GARNL3: variants seen among roughly 807,000 people sequenced by gnomAD.
GARNL3 encodes the protein GTPase activating Rap/RanGAP domain like 3, also known as GTPase-activating Rap/Ran-GAP domain-like protein 3.
A neutral mutation model predicts 125.0 loss-of-function variants in GARNL3; 63 were observed. The observed-to-expected ratio is 0.50, with a 90% CI of 0.41 to 0.62. The LOEUF is 0.62. Ranked by LOEUF, GARNL3 falls within the 20% of genes least tolerant of loss-of-function variation. The pLI, the probability that GARNL3 is intolerant of heterozygous loss-of-function variation, is 0.00. For missense variants in GARNL3, 994 were observed against 1,244.0 expected (o/e 0.80, Z 3.02); for synonymous variants, 439 against 457.5 (o/e 0.96, Z 0.52).
intron 19 of GARNL3, among the ~76,000 whole-genome samples, chr9:127,354,775 C>A (rs1042100724): frequency 6.6e-5 from 10 of 152,160 alleles, no homozygotes; most frequent in African/African-American, 2.2e-4. Context: ...GTAGGACTTT[C>A]TTTCCTTTCC....
At chr9:127,271,886 T>C (rs1246530343) in intron 1 of GARNL3, among the ~76,000 whole-genome samples, 1 of 150,470 alleles carries the variant, frequency 6.6e-6, no homozygotes, top group Non-Finnish European at 1.5e-5. Context: ...TGTTTCTTAA[T>C]GACTCAAACC....
At position 127,310,637 on chromosome 9, in the gene GARNL3, G is replaced by C. The variant is rs143991730; in HGVS notation, c.220-999G>C. On this transcript the variant is annotated intron_variant, in intron 2 of 27. Transcript: ENST00000373387. Reference sequence around the variant, plus strand: ...AAAAATACAAAAATTAGCCGGGCAAGGGGGCATGTGCCTGTGATCCCTGCT... The same window carrying C: ...AAAAATACAAAAATTAGCCGGGCAACGGGGCATGTGCCTGTGATCCCTGCT... 1.4e-3 allele frequency among the ~76,000 whole-genome samples: 206 copies of C among 152,158 alleles called. 2 individuals carry two copies. Among genetic ancestry groups the C allele is most frequent in the African/African-American group, 4.8e-3 (201 of 41,502 alleles).
intron 22 of GARNL3, among the ~76,000 whole-genome samples, chr9:127,365,822 C>G (rs891201696): frequency 6.6e-6 from 1 of 152,130 alleles, no homozygotes; most frequent in Admixed American, 6.5e-5. Context: ...ATCGGGTGCT[C>G]TCTTGACTCC....
chr9:127,307,057 A>G (rs747211868), intron 2 of GARNL3, among the ~76,000 whole-genome samples: 2 of 151,932 alleles, frequency 1.3e-5, no homozygotes, highest in Non-Finnish European at 2.9e-5. Flanking sequence ...TTTTGTCGGC[A>G]TGGTTACCAG....
chr9:127,369,764 G>A (rs560992152), intron 22 of GARNL3, among the ~76,000 whole-genome samples: 12 of 152,308 alleles, frequency 7.9e-5, no homozygotes, highest in Middle Eastern at 3.4e-3. Context: ...AAAGAGAGGC[G>A]GGATGTAATA....
intron 2 of GARNL3, among the ~76,000 whole-genome samples, chr9:127,302,135 G>T (rs1166820420): frequency 6.6e-6 from 1 of 151,276 alleles, no homozygotes; most frequent in African/African-American, 2.4e-5. Context: ...GTAGAGACAG[G>T]GTTTCCCCGT....
chr9:127,247,191 C>T (rs557953075), intron 2 of GARNL3, among the ~76,000 whole-genome samples: 1 of 152,106 alleles, frequency 6.6e-6, no homozygotes, highest in African/African-American at 2.4e-5. Flanking sequence ...GCTTTTGAGA[C>T]AGGCAAGTGG....
At chr9:127,229,434 A>T (rs1429700636) in intron 1 of GARNL3, among the ~76,000 whole-genome samples, 1 of 152,194 alleles carries the variant, frequency 6.6e-6, no homozygotes, top group Non-Finnish European at 1.5e-5. Flanking sequence ...CTGTTACCAG[A>T]TTGGCCTCCC....
At chr9:127,225,805 C>CTCGCCCTGGCGCCCGCGGCCCCT (rs1564831675) in intron 1 of GARNL3, among the ~76,000 whole-genome samples, 1 of 1,288 alleles carries the variant, frequency 7.8e-4, no homozygotes, top group Non-Finnish European at 2.2e-3. Context: ...TCCGCGGCCC[C>CTCGCCCTGGCGCCCGCGGCCCCT]CGCGCCCCTC....
upstream of GARNL3, among the ~76,000 whole-genome samples, chr9:127,262,015 G>T (rs1272706600): frequency 6.6e-6 from 1 of 152,128 alleles, no homozygotes; most frequent in Non-Finnish European, 1.5e-5. Context: ...CTGAGTACAT[G>T]GTCCACCTTC....
chr9:127,281,284 G>A (rs994199813), intron 1 of GARNL3, among the ~76,000 whole-genome samples: 12 of 152,250 alleles, frequency 7.9e-5, no homozygotes, highest in Non-Finnish European at 1.5e-4. Flanking sequence ...GAGTTGGGAG[G>A]TATTCGATTT....
chr9:127,383,563 C>A lies in GARNL3; in HGVS notation c.2269+18C>A, dbSNP rs1443173303. ...TGCAATTGGTAAGAAAAGTCTTTATCATAATGCTTTTCTCCTTCATGGATA... is the reference window on the plus strand; with the variant it reads ...TGCAATTGGTAAGAAAAGTCTTTATAATAATGCTTTTCTCCTTCATGGATA... On this transcript the variant is annotated intron_variant, in intron 23 of 27. Transcript: ENST00000373387. 5.3e-6 allele frequency: 8 copies of A among 1,506,084 alleles called. No individual in the cohort carries two copies. Among genetic ancestry groups the A allele is most frequent in the Non-Finnish European group, 7.4e-6 (8 of 1,088,150 alleles). 93.3% of individuals were successfully genotyped at this position (1,506,084 alleles called of 1,614,324 possible). A position where few individuals can be genotyped will look rare whatever the true frequency, so the allele number is the denominator to read the frequency against.
At chr9:127,327,595 C>T (rs564421031) in intron 7 of GARNL3, among the ~76,000 whole-genome samples, 3 of 152,210 alleles carry the variant, frequency 2.0e-5, no homozygotes, top group East Asian at 1.9e-4. Flanking sequence ...GAGAGGGTCT[C>T]GCTATATTGC....
At chr9:127,365,441 A>C (rs1831235537) in intron 22 of GARNL3, 75 bp downstream of exon 22, 1 of 1,185,324 alleles carries the variant, frequency 8.4e-7, no homozygotes, top group Non-Finnish European at 1.3e-6. Context: ...ATTTAAAAAG[A>C]TTGTCCTTAG....
At chr9:127,314,810 T>G (rs896386802) in intron 4 of GARNL3, among the ~76,000 whole-genome samples, 6 of 152,194 alleles carry the variant, frequency 3.9e-5, no homozygotes, top group African/African-American at 1.4e-4. Flanking sequence ...AGACAGAGAA[T>G]GACAGAGCAT....
At chr9:127,313,817 A>G (rs1339637366) in intron 4 of GARNL3, among the ~76,000 whole-genome samples, 3 of 151,886 alleles carry the variant, frequency 2.0e-5, no homozygotes, top group Admixed American at 2.0e-4. Context: ...CTTCTGGTTT[A>G]AATATTTTCT....
intron 13 of GARNL3, among the ~76,000 whole-genome samples, chr9:127,340,804 G>A (rs1346936491): frequency 6.6e-6 from 1 of 151,884 alleles, no homozygotes. Context: ...CAGGGCAAGG[G>A]ACAGGCACAT....
At chr9:127,238,001 A>G (rs116379874) in intron 1 of GARNL3, among the ~76,000 whole-genome samples, 2,773 of 152,270 alleles carry the variant, frequency 0.018, 83 homozygotes, top group African/African-American at 0.064. Flanking sequence ...AAAGCAGTGG[A>G]GCAGGTTTCC....
At chr9:127,365,225 G>T in intron 21 of GARNL3, 75 bp from the exon 22 acceptor site, 1 of 1,289,502 alleles carries the variant, frequency 7.8e-7, no homozygotes, top group Non-Finnish European at 1.1e-6. Context: ...CTCCACAAAT[G>T]CTCACAACTT....
Sources: allele counts gnomAD v4.1 joint callset (sites outside exome capture counted in the v4.1 genomes callset), GRCh38; gene constraint gnomAD v4.1.1; transcripts MANE v1.5; gene names NCBI Gene and HGNC (gene_info 2026-07-23, HGNC 2026-07-21).